The following FBXW4 variants were observed in gnomAD, a reference collection of about 807,000 sequenced individuals.
FBXW4 encodes the protein F-box and WD repeat domain containing 4.
Under a neutral mutation model 61.8 loss-of-function variants are expected in FBXW4, and 40 were observed. The ratio of observed to expected loss-of-function variants is 0.65; its 90% CI spans 0.50 to 0.84. The LOEUF (loss-of-function observed/expected upper bound fraction) is 0.84, where lower values mean the gene tolerates loss of function less well. Ranked by LOEUF, FBXW4 falls within the 40% of genes least tolerant of loss-of-function variation. FBXW4 has a pLI of 0.00. For synonymous variants in FBXW4, 311 were observed against 313.8 expected, an observed-to-expected ratio of 0.99 and a Z score of 0.10; for missense variants, 672 against 753.8, an observed-to-expected ratio of 0.89 and a Z score of 1.27.
intron 1 of FBXW4, among the ~76,000 whole-genome samples, chr10:101,687,926 C>A (rs1329174931): frequency 6.6e-6 from 1 of 152,218 alleles, no homozygotes; most frequent in Admixed American, 6.5e-5. Flanking sequence ...TGAATGTCAA[C>A]TGGGGGCACA....
In FBXW4 at chr10:101,611,627, C is replaced by A. The variant is rs1265053584; in HGVS notation, c.1584+1G>T. The A allele has an allele frequency of 6.2e-7, 1 of 1,614,040 alleles. No homozygotes were observed. The highest frequency in any genetic ancestry group is 8.5e-7 in the Non-Finnish European group (1 of 1,179,904). On this transcript the variant is annotated splice_donor_variant, in intron 8 of 8. Coordinates refer to ENST00000331272, the MANE Select transcript of FBXW4 (RefSeq NM_022039.4). LOFTEE classifies it high-confidence loss of function. The surrounding 1 kb of genome is among the most constrained non-coding windows in gnomAD (Gnocchi z 4.9). ...GGAGAAGAGGTGGGCAGGACACTTA[C>A]GTGCAGGCAGGCCCTTTGACGCCGG...
rs146295152 is a variant in FBXW4, at chr10:101,629,121, C to T, written c.1236-4311G>A. Among the ~76,000 whole-genome samples the T allele has an allele frequency of 1.6e-4, 24 of 152,322 alleles. No homozygotes were observed. In the East Asian group the frequency reaches 3.7e-3, roughly 23 times the overall value. On this transcript the variant is annotated intron_variant, in intron 5 of 8. Coordinates refer to ENST00000331272, the MANE Select transcript of FBXW4 (RefSeq NM_022039.4). ...GGTAAGAAGGGAAATTAGTTGGGCA[C>T]GGACAGCCTGAAAGGCAGGTAGATT...
intron 2 of FBXW4, among the ~76,000 whole-genome samples, chr10:101,675,492 CTTTCTCTCCTGT>C (rs67278931): frequency 0.27 from 40,398 of 152,052 alleles, 6,508 homozygotes; most frequent in South Asian, 0.43. Context: ...AAAAATCCGT[CTTTCTCTCCTGT>C]AGTTTCTTTA....
chr10:101,694,469 G>C lies in FBXW4; in HGVS notation c.637C>G (p.Leu213Val). ...AGATCGCAGCTGGTGAAGCGCCGCAGCCAGCGGCACACCTGGGCCAGGCGG... is the reference window on the plus strand; with the variant it reads ...AGATCGCAGCTGGTGAAGCGCCGCACCCAGCGGCACACCTGGGCCAGGCGG... ...LGRLAQVCRW[L>V]RRFTSCDLLW... The change falls in exon 1 of 9, where the codon CTG becomes GTG. Residue 213 changes from leucine (L) to valine (V), a missense_variant. Coordinates refer to ENST00000331272, the MANE Select transcript of FBXW4 (RefSeq NM_022039.4). The surrounding 1 kb of genome is among the most constrained non-coding windows in gnomAD (Gnocchi z 6.0). The C allele has an allele frequency of 6.5e-7, 1 of 1,533,414 alleles. No homozygotes were observed. Among genetic ancestry groups the C allele is most frequent in the Non-Finnish European group, 8.7e-7 (1 of 1,151,500 alleles). 95.0% of individuals were successfully genotyped at this position (1,533,414 alleles called of 1,614,324 possible).
chr10:101,646,783 T>C (rs2064102805), intron 5 of FBXW4, among the ~76,000 whole-genome samples: 1 of 152,200 alleles, frequency 6.6e-6, no homozygotes, highest in Admixed American at 6.5e-5. Context: ...TTTTACATTT[T>C]GGTTCTGGGG....
At chr10:101,689,668 T>A (rs985726789) in intron 1 of FBXW4, among the ~76,000 whole-genome samples, 12 of 152,312 alleles carry the variant, frequency 7.9e-5, no homozygotes, top group African/African-American at 2.9e-4. Flanking sequence ...TGTAACCAGT[T>A]AGCAATACCA....
chr10:101,670,203 T>C (rs993367247), intron 4 of FBXW4, among the ~76,000 whole-genome samples: 33 of 152,216 alleles, frequency 2.2e-4, no homozygotes, highest in Non-Finnish European at 4.0e-4. Flanking sequence ...AAAACCTAAA[T>C]GGTAAAATAT....
At position 101,610,714 on chromosome 10, in the gene FBXW4, C is replaced by G. The variant is rs1194713947; in HGVS notation, c.*577G>C. Reference sequence around the variant, plus strand: ...TACAAAAATGAAAATTGTAGCATGTCTCAACAGCCAGCCTGAGGTAGGGCT... The same window carrying G: ...TACAAAAATGAAAATTGTAGCATGTGTCAACAGCCAGCCTGAGGTAGGGCT... On this transcript the variant is annotated 3_prime_UTR_variant, in exon 9 of 9. Transcript: ENST00000331272. 6.6e-6 allele frequency: 1 copy of G among 152,328 alleles called. No homozygotes were observed. Among genetic ancestry groups the G allele is most frequent in the African/African-American group, 2.4e-5 (1 of 41,458 alleles). 9.4% of individuals were successfully genotyped at this position (152,328 alleles called of 1,614,324 possible).
chr10:101,611,491 G>C lies in FBXW4; in HGVS notation c.1585-81C>G. ...CCCTAACCCAGGATCCCCAGGCCCA[G>C]GGGAAGAGGGACGTGTGCCATTGTA... On this transcript the variant is annotated intron_variant, in intron 8 of 8. Coordinates refer to ENST00000331272, the MANE Select transcript of FBXW4 (RefSeq NM_022039.4). The surrounding 1 kb of genome is among the most constrained non-coding windows in gnomAD (Gnocchi z 4.9). 1 of 1,571,798 alleles carries C rather than the reference G, an allele frequency of 6.4e-7. No homozygotes were observed. Among genetic ancestry groups the C allele is most frequent in the Non-Finnish European group, 8.7e-7 (1 of 1,155,538 alleles).
At chr10:101,676,502 G>A (rs2064410419) in intron 1 of FBXW4, 66 bp from the exon 2 acceptor site, 1 of 1,302,256 alleles carries the variant, frequency 7.7e-7, no homozygotes, top group Non-Finnish European at 1.1e-6. Flanking sequence ...AAATTTCATG[G>A]GCTTACTGAG....
At chr10:101,642,776 C>T (rs997124400) in intron 5 of FBXW4, among the ~76,000 whole-genome samples, 3 of 152,202 alleles carry the variant, frequency 2.0e-5, no homozygotes, top group Admixed American at 2.0e-4. Flanking sequence ...ACATCATGAG[C>T]CACAGGGGAG....
intron 1 of FBXW4, among the ~76,000 whole-genome samples, chr10:101,685,695 T>TAA (rs138541181): frequency 7.9e-5 from 12 of 152,158 alleles, no homozygotes; most frequent in African/African-American, 2.9e-4. Context: ...ACTTGCTTTT[T>TAA]TAAAAAAAAA....
At chr10:101,631,601 T>A (rs2063956680) in intron 5 of FBXW4, among the ~76,000 whole-genome samples, 1 of 151,936 alleles carries the variant, frequency 6.6e-6, no homozygotes, top group South Asian at 2.1e-4. Context: ...GCATGTGCTG[T>A]TTTTTAAAGG....
At chr10:101,672,595 C>T (rs1390018086) in intron 4 of FBXW4, among the ~76,000 whole-genome samples, 1 of 152,122 alleles carries the variant, frequency 6.6e-6, no homozygotes, top group African/African-American at 2.4e-5. Context: ...ATATTAGGGT[C>T]AGAACTCAAC....
chr10:101,657,828 A>G (rs1564916923), intron 5 of FBXW4, among the ~76,000 whole-genome samples: 1 of 152,134 alleles, frequency 6.6e-6, no homozygotes, highest in Non-Finnish European at 1.5e-5. Flanking sequence ...TATTGTCATC[A>G]TGTGTAAAAT....
chr10:101,670,230 T>C (rs1391110170), intron 4 of FBXW4, among the ~76,000 whole-genome samples: 1 of 152,202 alleles, frequency 6.6e-6, no homozygotes, highest in African/African-American at 2.4e-5. Context: ...CAGCATGCAA[T>C]TGCAGAGAAA....
At chr10:101,619,893 G>T (rs527845867) in intron 6 of FBXW4, among the ~76,000 whole-genome samples, 4 of 152,348 alleles carry the variant, frequency 2.6e-5, no homozygotes, top group Non-Finnish European at 5.9e-5. Context: ...GTGAGAAGCA[G>T]CATTGGCTGT....
At chr10:101,618,656 G>C (rs1303440106) in intron 6 of FBXW4, among the ~76,000 whole-genome samples, 2 of 152,122 alleles carry the variant, frequency 1.3e-5, no homozygotes, top group Non-Finnish European at 2.9e-5. Context: ...ACCTGGCCAA[G>C]GACTCAATAC....
intron 5 of FBXW4, among the ~76,000 whole-genome samples, chr10:101,636,834 CTGCT>C: frequency 6.6e-6 from 1 of 152,098 alleles, no homozygotes; most frequent in African/African-American, 2.4e-5. Context: ...GGTGATCCAC[CTGCT>C]TCGGCCTCCC....
Sources: gnomAD v4.1 joint callset for allele counts (sites outside exome capture counted in the v4.1 genomes callset) on GRCh38, gnomAD v4.1.1 for gene constraint, Gnocchi (gnomAD v3.1) non-coding constraint, MANE v1.5 for transcripts, NCBI Gene and HGNC (gene_info 2026-07-23, HGNC 2026-07-21) for gene names.